SMC3: variants seen among roughly 807,000 people sequenced by gnomAD.
SMC3 encodes the protein structural maintenance of chromosomes protein 3.
SMC3 carries 20 observed loss-of-function variants against 171.8 expected under a neutral mutation model. The ratio of observed to expected loss-of-function variants is 0.12; its 90% confidence interval spans 0.08 to 0.17. SMC3 has a LOEUF of 0.17. Among genes scored for constraint, SMC3 ranks in the 10% least tolerant of loss-of-function variants. The probability of loss-of-function intolerance (pLI) is 1.00; values close to 1 mark genes in which losing one functional copy is unlikely to be tolerated. For missense variants in SMC3, 543 were observed against 1,420.4 expected, an observed-to-expected ratio of 0.38 and a Z score of 9.93; for synonymous variants, 464 against 451.1, an observed-to-expected ratio of 1.03 and a Z score of -0.36.
intron 11 of SMC3, 47 bp from the exon 12 acceptor site, chr10:110,583,794 A>G (rs765867872): frequency 1.2e-6 from 2 of 1,605,364 alleles, no homozygotes; most frequent in South Asian, 1.1e-5. Context: ...CTAGACCTAA[A>G]TTATGCAAAA....
In SMC3 at chr10:110,602,109, A is replaced by G. The variant is rs756544236; in HGVS notation, c.3036A>G (p.Lys1012=). The change falls in exon 25 of 29, where the codon AAA becomes AAG. Residue 1012 remains lysine (K), a synonymous_variant. Coordinates refer to ENST00000361804, the MANE Select transcript of SMC3 (RefSeq NM_005445.4). ...AAGAAGAGTTAGATAGGGGTTACAA[A>G]TCAATCATGGAACTGATGAATGTAC... is the stretch of plus-strand genomic sequence containing the variant. The part of the protein sequence containing the change: ...KRQEELDRGY[K]SIMELMNVLE... 1 of 1,613,876 alleles carries G rather than the reference A, an allele frequency of 6.2e-7. No individual in the cohort carries two copies. Among genetic ancestry groups the G allele is most frequent in the Non-Finnish European group, 8.5e-7 (1 of 1,179,812 alleles).
intron 17 of SMC3, among the ~76,000 whole-genome samples, chr10:110,592,170 C>T (rs575220292): frequency 4.7e-4 from 72 of 151,714 alleles, no homozygotes; most frequent in Middle Eastern, 3.4e-3. Flanking sequence ...GAGGCTGAAG[C>T]GGGAAAATCG....
chr10:110,597,233 G>A (rs576034523), intron 19 of SMC3, among the ~76,000 whole-genome samples: 1 of 151,538 alleles, frequency 6.6e-6, no homozygotes, highest in Non-Finnish European at 1.5e-5. Flanking sequence ...TGTTAGTGGA[G>A]GAAATGGCTG....
At chr10:110,589,800 C>A in intron 14 of SMC3, 92 bp downstream of exon 14, 1 of 1,468,760 alleles carries the variant, frequency 6.8e-7, no homozygotes, top group Non-Finnish European at 9.5e-7. Context: ...ACCGGTCAGG[C>A]TTGTTTTCTG....
At chr10:110,575,147 T>C (rs1241090546) in intron 3 of SMC3, among the ~76,000 whole-genome samples, 189 bp from the exon 4 acceptor site, 4 of 152,224 alleles carry the variant, frequency 2.6e-5, no homozygotes, top group Admixed American at 6.5e-5. Flanking sequence ...ATTTTTCTTA[T>C]ATCATTTCCT....
At chr10:110,582,740 C>A in intron 10 of SMC3, 98 bp downstream of exon 10, 1 of 891,750 alleles carries the variant, frequency 1.1e-6, no homozygotes. Context: ...GCCATCATGG[C>A]TCATTGTAGC....
chr10:110,574,534 A>C (rs1360263245), intron 3 of SMC3, among the ~76,000 whole-genome samples: 1 of 152,166 alleles, frequency 6.6e-6, no homozygotes, highest in African/African-American at 2.4e-5. Context: ...TGTATATCCT[A>C]TTGTGGTTGT....
chr10:110,567,835 AGGCCTTCG>A lies in SMC3; in HGVS notation c.15+5_15+12del, dbSNP rs776856186. On this transcript the variant is annotated splice_donor_5th_base_variant and intron_variant, in intron 1 of 28. Coordinates refer to ENST00000361804, the MANE Select transcript of SMC3 (RefSeq NM_005445.4). ...CGGAATCATGTACATAAAGCAGGTA[AGGCCTTCG>A]CGTCCCTCCACCCCGTCATGGGCCG... 1.2e-6 allele frequency: 2 copies of A among 1,613,434 alleles called. No homozygotes were observed. The highest frequency in any genetic ancestry group is 3.3e-5 in the Admixed American group (2 of 60,018).
intron 21 of SMC3, among the ~76,000 whole-genome samples, chr10:110,600,063 T>A (rs1861362369): frequency 1.3e-5 from 2 of 152,244 alleles, no homozygotes; most frequent in Non-Finnish European, 2.9e-5. Context: ...GTTGTAAGTA[T>A]TGCTATGAGT....
intron 10 of SMC3, among the ~76,000 whole-genome samples, chr10:110,582,943 T>TTTG (rs1396505793): frequency 2.0e-5 from 3 of 151,542 alleles, no homozygotes; most frequent in Non-Finnish European, 4.4e-5. Context: ...TTTTTTTTTT[T>TTTG]TTTTGGAAGA....
At chr10:110,596,312 G>GATAACTAA (rs1304812048) in intron 18 of SMC3, 86 bp from the exon 19 acceptor site, 1 of 1,287,608 alleles carries the variant, frequency 7.8e-7, no homozygotes, top group African/African-American at 1.5e-5. Flanking sequence ...TCTACTTAAA[G>GATAACTAA]CCTGTAGGTT....
In SMC3 at chr10:110,601,059, T is replaced by C. The variant is rs779651869; in HGVS notation, c.2573T>C (p.Val858Ala). ...NELRETEGGT[V>A]LTATTSELEA... is the part of the protein sequence containing the mutation. ...CTGAGAGAGACAGAAGGGGGTACTG[T>C]TCTCACAGCCACAACATCAGAACTT... The change falls in exon 23 of 29, where the codon GTT becomes GCT. Residue 858 changes from valine to alanine, a missense_variant. Physicochemically the swap from Val to Ala is moderately conservative, Grantham distance 64. Coordinates refer to ENST00000361804, the MANE Select transcript of SMC3 (RefSeq NM_005445.4). 2.5e-6 allele frequency: 4 copies of C among 1,613,558 alleles called. No individual in the cohort carries two copies. In the Admixed American group the frequency reaches 6.7e-5, roughly 27 times the overall value.
At chr10:110,603,972 G>A (rs899853555) in intron 28 of SMC3, among the ~76,000 whole-genome samples, 1 of 151,680 alleles carries the variant, frequency 6.6e-6, no homozygotes, top group Non-Finnish European at 1.5e-5. Flanking sequence ...GCGTGCACCT[G>A]TCGTCCCAGC....
chr10:110,575,255 G>T, intron 3 of SMC3, 81 bp from the exon 4 acceptor site: 1 of 950,404 alleles, frequency 1.1e-6, no homozygotes. Context: ...GACACACTAT[G>T]TTCTATTGAG....
At chr10:110,597,299 G>A (rs767991504) in intron 19 of SMC3, among the ~76,000 whole-genome samples, 8 of 151,940 alleles carry the variant, frequency 5.3e-5, no homozygotes, top group Non-Finnish European at 8.8e-5. Context: ...AAATGGTGCT[G>A]CATGAGGAGT....
intron 17 of SMC3, among the ~76,000 whole-genome samples, chr10:110,591,943 G>A (rs1302323969): frequency 2.0e-5 from 3 of 152,102 alleles, no homozygotes; most frequent in South Asian, 4.1e-4. Context: ...TACATGGAGC[G>A]TGGTTCCATT....
chr10:110,592,931 A>T (rs965246733), intron 17 of SMC3, 142 bp from the exon 18 acceptor site: 3 of 749,614 alleles, frequency 4.0e-6, no homozygotes, highest in African/African-American at 3.5e-5. Flanking sequence ...GAGTCTTCTA[A>T]CTACTTCAGG....
At chr10:110,589,526 C>T (rs927925275) in intron 13 of SMC3, 79 bp from the exon 14 acceptor site, 2 of 938,592 alleles carry the variant, frequency 2.1e-6, no homozygotes, top group Non-Finnish European at 3.4e-6. Flanking sequence ...CCCCATCCAT[C>T]TGCAACCACT....
chr10:110,602,787 C>T, intron 26 of SMC3, 38 bp from the exon 27 acceptor site: 1 of 1,595,348 alleles, frequency 6.3e-7, no homozygotes, highest in Non-Finnish European at 8.6e-7. Flanking sequence ...GGTGATTCTG[C>T]CCTTTAGGAT....
Sources: gnomAD v4.1 joint callset for allele counts (sites outside exome capture counted in the v4.1 genomes callset) on GRCh38, gnomAD v4.1.1 for gene constraint, MANE v1.5 for transcripts, NCBI Gene and HGNC (gene_info 2026-07-23, HGNC 2026-07-21) for gene names.